NIBAN1: variants seen among roughly 807,000 people sequenced by gnomAD.
NIBAN1 encodes the protein protein Niban 1.
In NIBAN1, 81 loss-of-function variants were observed where a neutral mutation model predicts 75.1. That is an observed-to-expected ratio of 1.08 (90% CI 0.90 to 1.30). The LOEUF is 1.30. Among genes scored for constraint, NIBAN1 ranks in the 50% most tolerant of loss-of-function variants. The probability of loss-of-function intolerance (pLI) is 0.00; values close to 1 mark genes in which losing one functional copy is unlikely to be tolerated. For missense variants in NIBAN1, 1,133 were observed against 1,128.1 expected (o/e 1.00, Z -0.06); for synonymous variants, 436 against 424.8 (o/e 1.03, Z -0.32).
intron 6 of NIBAN1, among the ~76,000 whole-genome samples, chr1:184,825,225 A>G (rs1654811470): frequency 6.6e-6 from 1 of 152,236 alleles, no homozygotes; most frequent in South Asian, 2.1e-4. Context: ...AACATGCTAC[A>G]TGTGAAATGT....
intron 5 of NIBAN1, among the ~76,000 whole-genome samples, chr1:184,883,390 C>T (rs1656426422): frequency 6.6e-6 from 1 of 152,204 alleles, no homozygotes; most frequent in South Asian, 2.1e-4. Flanking sequence ...CTGTATGCTT[C>T]ATTACTCTCT....
chr1:184,839,574 C>T lies in NIBAN1; in HGVS notation c.602-7612G>A, dbSNP rs553689653. ...GTGTGTGTGTGTGTGTGCACGCGCG[C>T]GTGTGTGTGTGTGTTGTTCCATTTA... On this transcript the variant is annotated intron_variant, in intron 5 of 13. Coordinates refer to ENST00000367511, the MANE Select transcript of NIBAN1 (RefSeq NM_052966.4). 2.1e-3 allele frequency among the ~76,000 whole-genome samples: 305 copies of T among 148,560 alleles called. 1 individual carries two copies. Among genetic ancestry groups the T allele is most frequent in the Middle Eastern group, 0.014 (4 of 288 alleles).
chr1:184,870,041 T>C (rs1376074343), intron 5 of NIBAN1, among the ~76,000 whole-genome samples: 1 of 152,222 alleles, frequency 6.6e-6, no homozygotes. Flanking sequence ...GTTTAAAATG[T>C]ACGTTTCTGG....
Position 184,794,637 on chromosome 1 carries a change from A to C in NIBAN1, c.*340T>G, listed in dbSNP as rs1165255659. On this transcript the variant is annotated 3_prime_UTR_variant, in exon 14 of 14. Coordinates refer to ENST00000367511, the MANE Select transcript of NIBAN1 (RefSeq NM_052966.4). ...TGCACAAGAAGATTGCACAATTGAA[A>C]AGTGCAGAGTATACTCAAAACTGTC... 5 of 388,880 alleles carry C rather than the reference A, an allele frequency of 1.3e-5. No individual in the cohort carries two copies. In the Admixed American group the frequency reaches 2.0e-4, roughly 16 times the overall value. 24.1% of individuals were successfully genotyped at this position (388,880 alleles called of 1,614,324 possible).
intron 5 of NIBAN1, among the ~76,000 whole-genome samples, chr1:184,864,179 T>C (rs1472758689): frequency 6.6e-6 from 1 of 152,190 alleles, no homozygotes; most frequent in African/African-American, 2.4e-5. Flanking sequence ...TTTAGCTATC[T>C]AAATCTTGGT....
intron 1 of NIBAN1, among the ~76,000 whole-genome samples, chr1:184,959,729 G>C (rs1426787104): frequency 2.0e-5 from 3 of 152,194 alleles, no homozygotes; most frequent in Non-Finnish European, 4.4e-5. Context: ...AGCAGGTCCA[G>C]AGCAGCCTTC....
At chr1:184,876,176 GAA>G (rs1218039435) in intron 5 of NIBAN1, among the ~76,000 whole-genome samples, 1 of 102,498 alleles carries the variant, frequency 9.8e-6, no homozygotes, top group Non-Finnish European at 2.1e-5. Flanking sequence ...TTCGTCTCCA[GAA>G]AAAAAAAAAA....
At chr1:184,919,562 C>G (rs184896469) in intron 1 of NIBAN1, among the ~76,000 whole-genome samples, 1 of 152,224 alleles carries the variant, frequency 6.6e-6, no homozygotes, top group Admixed American at 6.5e-5. Flanking sequence ...AAAATCAAAA[C>G]ACACTCAAAT....
intron 5 of NIBAN1, among the ~76,000 whole-genome samples, chr1:184,870,269 T>C (rs1656071522): frequency 6.6e-6 from 1 of 151,518 alleles, no homozygotes; most frequent in Admixed American, 6.5e-5. Flanking sequence ...GCTAATCCTT[T>C]ATACATGGGA....
intron 2 of NIBAN1, among the ~76,000 whole-genome samples, chr1:184,895,960 C>T (rs554878817): frequency 8.1e-4 from 123 of 152,144 alleles, no homozygotes; most frequent in Non-Finnish European, 1.1e-3. Context: ...TCCAATCAAC[C>T]GCTGGTGCAC....
chr1:184,807,713 C>T (rs1654245544), intron 10 of NIBAN1, among the ~76,000 whole-genome samples: 1 of 152,114 alleles, frequency 6.6e-6, no homozygotes, highest in African/African-American at 2.4e-5. Context: ...CACTTGAACC[C>T]GGGAGGCAAA....
intron 1 of NIBAN1, among the ~76,000 whole-genome samples, chr1:184,927,860 C>G (rs991009453): frequency 2.0e-5 from 3 of 151,824 alleles, no homozygotes; most frequent in Non-Finnish European, 4.4e-5. Flanking sequence ...AGCTGGCACC[C>G]AAGCCACAAG....
At chr1:184,867,328 T>G (rs1655985764) in intron 5 of NIBAN1, among the ~76,000 whole-genome samples, 1 of 152,196 alleles carries the variant, frequency 6.6e-6, no homozygotes, top group African/African-American at 2.4e-5. Context: ...CCTCTGTGCA[T>G]GTTAAGCTTC....
At chr1:184,974,151 G>GA in intron 1 of NIBAN1, 151 bp downstream of exon 1, 1 of 826,716 alleles carries the variant, frequency 1.2e-6, no homozygotes, top group Non-Finnish European at 1.7e-6. Context: ...GCTGGGGCAG[G>GA]AAACCCGACT....
In NIBAN1 at chr1:184,803,647, CT is replaced by C. The variant is rs1252047575; in HGVS notation, c.1491del (p.Glu498ArgfsTer3). On this transcript the variant is annotated frameshift_variant, in exon 12 of 14. Transcript: ENST00000367511. LOFTEE classifies it high-confidence loss of function. ...GGAAGTGTGATTTGAACTAGTGCCT[CT>C]TGAAATATCTTCTTTCGGATGGTGC... ...DSSTIRKKIF[Q>X]EALVQITLPT... The C allele has an allele frequency of 1.2e-6, 2 of 1,614,048 alleles. No individual in the cohort carries two copies. Among genetic ancestry groups the C allele is most frequent in the African/African-American group, 2.7e-5 (2 of 74,916 alleles).
chr1:184,830,059 G>A (rs997767489), intron 6 of NIBAN1, among the ~76,000 whole-genome samples: 2 of 152,286 alleles, frequency 1.3e-5, no homozygotes, highest in East Asian at 1.9e-4. Context: ...CACATTGCCC[G>A]GCATAGAGTC....
chr1:184,946,290 A>T (rs1658223045), intron 1 of NIBAN1, among the ~76,000 whole-genome samples: 1 of 152,216 alleles, frequency 6.6e-6, no homozygotes, highest in Non-Finnish European at 1.5e-5. Flanking sequence ...AGTAGACTAA[A>T]TATGGTTACA....
chr1:184,872,528 A>G (rs1043780352), intron 5 of NIBAN1, among the ~76,000 whole-genome samples: 2 of 152,188 alleles, frequency 1.3e-5, no homozygotes, highest in African/African-American at 4.8e-5. Context: ...CAACATGGTG[A>G]AACCCCATCT....
At chr1:184,936,825 A>G (rs1265570379) in intron 1 of NIBAN1, among the ~76,000 whole-genome samples, 1 of 152,128 alleles carries the variant, frequency 6.6e-6, no homozygotes, top group African/African-American at 2.4e-5. Flanking sequence ...ACTTTTTTCC[A>G]AATAAGGTAA....
Sources: allele counts gnomAD v4.1 joint callset (sites outside exome capture counted in the v4.1 genomes callset), GRCh38; gene constraint gnomAD v4.1.1; transcripts MANE v1.5; gene names NCBI Gene and HGNC (gene_info 2026-07-23, HGNC 2026-07-21).